The following FKTN variants were observed in gnomAD, a reference collection of about 807,000 sequenced individuals.
The protein encoded by FKTN is fukutin, also known as ribitol-5-phosphate transferase FKTN.
Under a neutral mutation model 58.6 loss-of-function variants are expected in FKTN, and 47 were observed. The observed-to-expected ratio is 0.80, with a 90% CI of 0.63 to 1.02. The LOEUF (loss-of-function observed/expected upper bound fraction) is 1.02. FKTN is among the 50% of genes least tolerant of loss of function. The probability of loss-of-function intolerance (pLI) is 0.00; values close to 1 mark genes in which losing one functional copy is unlikely to be tolerated. For synonymous variants in FKTN, 178 were observed against 191.9 expected (o/e 0.93, Z 0.60); for missense variants, 516 against 537.3 (o/e 0.96, Z 0.39).
At chr9:105,562,895 G>A (rs1032558439) in intron 1 of FKTN, among the ~76,000 whole-genome samples, 2 of 152,148 alleles carry the variant, frequency 1.3e-5, no homozygotes, top group Non-Finnish European at 2.9e-5. Context: ...TAAGGATATG[G>A]CTAGGCTCTC....
At chr9:105,598,117 AT>A (rs1827145146) in intron 4 of FKTN, 2 of 468,866 alleles carry the variant, frequency 4.3e-6, no homozygotes, top group Admixed American at 2.4e-5. Flanking sequence ...AAAATAATGG[AT>A]TTTTTTCAAA....
chr9:105,587,941 A>G (rs969860727), intron 3 of FKTN, among the ~76,000 whole-genome samples: 4 of 152,130 alleles, frequency 2.6e-5, no homozygotes, highest in Non-Finnish European at 4.4e-5. Flanking sequence ...GGCTATCTGG[A>G]GGGTTGTGGA....
chr9:105,637,473 CT>C lies in FKTN; in HGVS notation c.*2210del. On this transcript the variant is annotated 3_prime_UTR_variant, in exon 11 of 11. Coordinates refer to ENST00000357998, the MANE Select transcript of FKTN (RefSeq NM_001079802.2). ...CCTAACTTGGGGAAACAAAAGCCTT[CT>C]CTAGAATCTGAAGGCCAGGCTTACC... 1.0e-6 allele frequency: 1 copy of C among 985,466 alleles called. No individual in the cohort carries two copies. The highest frequency in any genetic ancestry group is 1.7e-5 in the African/African-American group (1 of 57,372). The allele number at this position is 985,466 out of a possible 1,614,324, so 61.0% of individuals were successfully genotyped here. A position where few individuals can be genotyped will look rare whatever the true frequency, so the allele number is the denominator to read the frequency against.
chr9:105,582,866 G>A (rs184519667), intron 3 of FKTN, among the ~76,000 whole-genome samples: 48 of 152,296 alleles, frequency 3.2e-4, no homozygotes, highest in Non-Finnish European at 1.3e-4. Context: ...AATGGCATCT[G>A]TTTCAGTTAG....
At chr9:105,604,117 C>A in intron 5 of FKTN, 98 bp from the exon 6 acceptor site, 1 of 1,264,880 alleles carries the variant, frequency 7.9e-7, no homozygotes, top group Non-Finnish European at 1.1e-6. Flanking sequence ...GGCTCAAGTT[C>A]AATATAAGAA....
intron 10 of FKTN, among the ~76,000 whole-genome samples, chr9:105,626,981 C>CTTTTTTTTTTTTT (rs60710867): frequency 7.8e-6 from 1 of 128,032 alleles, no homozygotes; most frequent in African/African-American, 3.0e-5. Flanking sequence ...CTTCTTTATT[C>CTTTTTTTTTTTTT]TTTTTTTTTT....
intron 1 of FKTN, among the ~76,000 whole-genome samples, chr9:105,570,528 C>T (rs1184585154): frequency 2.0e-5 from 3 of 152,106 alleles, no homozygotes; most frequent in Non-Finnish European, 4.4e-5. Context: ...AGGAATGGGG[C>T]TTGCGCATTT....
At chr9:105,578,123 A>C (rs1272492318) in intron 3 of FKTN, among the ~76,000 whole-genome samples, 1 of 151,646 alleles carries the variant, frequency 6.6e-6, no homozygotes, top group Non-Finnish European at 1.5e-5. Context: ...AAACAGGGAC[A>C]GTTTGACTTC....
At chr9:105,625,100 T>C (rs113546105) in intron 10 of FKTN, among the ~76,000 whole-genome samples, 1,869 of 152,334 alleles carry the variant, frequency 0.012, 55 homozygotes, top group African/African-American at 0.043. Flanking sequence ...GGAAGATTCA[T>C]TGCTAGGTAG....
chr9:105,577,688 T>C (rs1375209489), intron 3 of FKTN, among the ~76,000 whole-genome samples: 1 of 151,320 alleles, frequency 6.6e-6, no homozygotes, highest in Non-Finnish European at 1.5e-5. Flanking sequence ...TAAAGTAGTT[T>C]TTTCGAATTC....
intron 10 of FKTN, among the ~76,000 whole-genome samples, chr9:105,624,623 CAAAAAAA>C (rs779770311): frequency 0.019 from 1,329 of 69,198 alleles, 26 homozygotes; most frequent in African/African-American, 0.06. Context: ...AGAGCAAAAC[CAAAAAAA>C]AAAAAAAAAA....
intron 7 of FKTN, among the ~76,000 whole-genome samples, chr9:105,614,642 A>C (rs931908839): frequency 1.3e-5 from 2 of 152,136 alleles, no homozygotes; most frequent in Admixed American, 1.3e-4. Context: ...TAGCTCTCAT[A>C]ATTAGCTTTA....
intron 3 of FKTN, among the ~76,000 whole-genome samples, chr9:105,583,003 G>C (rs1843293297): frequency 6.6e-6 from 1 of 152,202 alleles, no homozygotes; most frequent in Non-Finnish European, 1.5e-5. Context: ...ATAATAGTGT[G>C]ATCTAGCAGG....
chr9:105,575,163 A>T, intron 3 of FKTN, 26 bp downstream of exon 3: 1 of 1,185,756 alleles, frequency 8.4e-7, no homozygotes, highest in Non-Finnish European at 1.3e-6. Flanking sequence ...CTTTCTTATC[A>T]TTCCTCCTTT....
chr9:105,612,970 A>G (rs1179374631), intron 7 of FKTN, among the ~76,000 whole-genome samples: 1 of 150,126 alleles, frequency 6.7e-6, no homozygotes, highest in Admixed American at 6.6e-5. Flanking sequence ...TTTGTCTCCA[A>G]AAAAAAAAAG....
Position 105,635,288 on chromosome 9 carries a change from T to A in FKTN, c.*24T>A. 6.2e-7 allele frequency: 1 copy of A among 1,613,958 alleles called. No homozygotes were observed. The highest frequency in any genetic ancestry group is 8.5e-7 in the Non-Finnish European group (1 of 1,179,866). On this transcript the variant is annotated 3_prime_UTR_variant, in exon 11 of 11. Transcript: ENST00000357998. Reference sequence around the variant, plus strand: ...GAGATAGTAGGTTGAAATGGGAGAATTTCTCTTTTGGAAAAAAAGGTAGAT... The same window carrying A: ...GAGATAGTAGGTTGAAATGGGAGAAATTCTCTTTTGGAAAAAAAGGTAGAT...
At chr9:105,631,472 G>A (rs1833438547) in intron 10 of FKTN, among the ~76,000 whole-genome samples, 1 of 151,946 alleles carries the variant, frequency 6.6e-6, no homozygotes, top group Non-Finnish European at 1.5e-5. Flanking sequence ...CCAGGTTCGG[G>A]AACAGGCAAC....
intron 1 of FKTN, among the ~76,000 whole-genome samples, chr9:105,560,895 T>A (rs1413554902): frequency 6.6e-6 from 1 of 152,122 alleles, no homozygotes; most frequent in Non-Finnish European, 1.5e-5. Context: ...AAGACCATCC[T>A]GGCCAGCCTG....
At chr9:105,615,170 C>T in intron 7 of FKTN, 108 bp from the exon 8 acceptor site, 1 of 1,211,374 alleles carries the variant, frequency 8.3e-7, no homozygotes. Context: ...AGGCGTGAGC[C>T]ACTGTGCCCA....
Sources: gnomAD v4.1 joint callset for allele counts (sites outside exome capture counted in the v4.1 genomes callset) on GRCh38, gnomAD v4.1.1 for gene constraint, MANE v1.5 for transcripts, NCBI Gene and HGNC (gene_info 2026-07-23, HGNC 2026-07-21) for gene names.